Variants in COL23A1 observed in about 807,000 individuals in gnomAD.
COL23A1 encodes the protein collagen alpha-1(XXIII) chain.
A neutral mutation model predicts 99.3 loss-of-function variants in COL23A1; 97 were observed. That is an observed-to-expected ratio of 0.98 (90% CI 0.83 to 1.16). The LOEUF (loss-of-function observed/expected upper bound fraction) is 1.16, where lower values mean the gene tolerates loss of function less well. COL23A1 is among the 50% of genes most tolerant of loss of function. The probability of loss-of-function intolerance (pLI) is 0.00; values close to 1 mark genes in which losing one functional copy is unlikely to be tolerated. For missense variants in COL23A1, 762 were observed against 757.4 expected (o/e 1.01, Z -0.07); for synonymous variants, 320 against 308.2 (o/e 1.04, Z -0.40).
At chr5:178,379,515 A>G (rs979791691) in intron 2 of COL23A1, among the ~76,000 whole-genome samples, 1 of 152,158 alleles carries the variant, frequency 6.6e-6, no homozygotes, top group Non-Finnish European at 1.5e-5. Context: ...TACTTTTTGT[A>G]TTACTTTTGT....
At chr5:178,334,816 T>A (rs778398083) in intron 2 of COL23A1, among the ~76,000 whole-genome samples, 4 of 152,204 alleles carry the variant, frequency 2.6e-5, no homozygotes, top group Non-Finnish European at 5.9e-5. Flanking sequence ...GGGAATATTA[T>A]TAGTAATTTT....
intron 5 of COL23A1, 159 bp from the exon 6 acceptor site, chr5:178,270,522 G>C (rs766302618): frequency 1.2e-6 from 1 of 816,532 alleles, no homozygotes; most frequent in Admixed American, 2.1e-5. Context: ...GGAGGGGAAG[G>C]CATCTGTGTG....
intron 2 of COL23A1, among the ~76,000 whole-genome samples, chr5:178,356,813 G>A (rs1441672620): frequency 2.0e-5 from 3 of 152,068 alleles, no homozygotes; most frequent in African/African-American, 7.2e-5. Flanking sequence ...TGCAGCAGGA[G>A]GAGATGCCAG....
chr5:178,247,457 T>C (rs1015738396), intron 22 of COL23A1, 69 bp downstream of exon 22: 6 of 1,577,964 alleles, frequency 3.8e-6, no homozygotes, highest in Non-Finnish European at 5.2e-6. Context: ...GCTTTGCCCA[T>C]TGGCAAGGCT....
At chr5:178,532,327 G>C (rs796874369) in intron 2 of COL23A1, among the ~76,000 whole-genome samples, 1 of 152,212 alleles carries the variant, frequency 6.6e-6, no homozygotes, top group Non-Finnish European at 1.5e-5. Flanking sequence ...GAAAACCTGG[G>C]GATGGAAGTG....
intron 2 of COL23A1, among the ~76,000 whole-genome samples, chr5:178,511,879 C>T (rs1458412977): frequency 6.6e-6 from 1 of 151,774 alleles, no homozygotes; most frequent in Non-Finnish European, 1.5e-5. Context: ...ATACCACCTA[C>T]CAATTTGGCA....
intron 4 of COL23A1, 52 bp downstream of exon 4, chr5:178,290,310 G>T: frequency 6.2e-7 from 1 of 1,613,284 alleles, no homozygotes; most frequent in South Asian, 1.1e-5. Flanking sequence ...AACAGAGAGA[G>T]AACCAAACAT....
At chr5:178,292,489 A>G (rs527378281) in intron 3 of COL23A1, among the ~76,000 whole-genome samples, 2 of 152,214 alleles carry the variant, frequency 1.3e-5, no homozygotes, top group East Asian at 3.9e-4. Context: ...TCTCTCCCTC[A>G]CAGCAAGAAA....
chr5:178,398,827 TAAC>T (rs1764287165), intron 2 of COL23A1, among the ~76,000 whole-genome samples: 1 of 152,374 alleles, frequency 6.6e-6, no homozygotes, highest in East Asian at 1.9e-4. Flanking sequence ...CGTCTTGTGC[TAAC>T]AACATGTCTC....
At chr5:178,474,973 C>A (rs1191389688) in intron 2 of COL23A1, among the ~76,000 whole-genome samples, 2 of 152,256 alleles carry the variant, frequency 1.3e-5, no homozygotes, top group African/African-American at 4.8e-5. Flanking sequence ...GCCCCTCCTA[C>A]ATTCCTGTGG....
At chr5:178,355,573 C>T (rs1431558928) in intron 2 of COL23A1, among the ~76,000 whole-genome samples, 2 of 152,124 alleles carry the variant, frequency 1.3e-5, no homozygotes, top group Non-Finnish European at 1.5e-5. Context: ...TGCTCTGTTG[C>T]CCAGGCTGGA....
chr5:178,534,466 C>A (rs914754309), intron 2 of COL23A1, among the ~76,000 whole-genome samples: 1 of 152,156 alleles, frequency 6.6e-6, no homozygotes, highest in East Asian at 1.9e-4. Flanking sequence ...TCAGCCCCAT[C>A]GCTCACTGGC....
intron 17 of COL23A1, among the ~76,000 whole-genome samples, chr5:178,250,961 A>G (rs1374240204): frequency 6.8e-6 from 1 of 147,196 alleles, no homozygotes; most frequent in East Asian, 2.0e-4. Context: ...CCTGGGCAAA[A>G]GAGCAAGACT....
chr5:178,590,232 C>A lies in COL23A1; in HGVS notation c.-35G>T. 8.3e-7 allele frequency: 1 copy of A among 1,207,284 alleles called. No individual in the cohort carries two copies. Among genetic ancestry groups the A allele is most frequent in the East Asian group, 3.4e-5 (1 of 29,042 alleles). The allele number at this position is 1,207,284 out of a possible 1,614,324, so 74.8% of individuals were successfully genotyped here. A position where few individuals can be genotyped will look rare whatever the true frequency, so the allele number is the denominator to read the frequency against. ...GTCGCGCGTGGACTCTCCGAGGGGGCGGTGCTGCTGGGGCAGAGGCTGGGT... is the reference window on the plus strand; with the variant it reads ...GTCGCGCGTGGACTCTCCGAGGGGGAGGTGCTGCTGGGGCAGAGGCTGGGT... On this transcript the variant is annotated 5_prime_UTR_variant, in exon 1 of 29. Transcript: ENST00000390654. The surrounding 1 kb of genome is among the most constrained non-coding windows in gnomAD (Gnocchi z 5.7).
At chr5:178,242,909 C>A (rs926747489) in intron 25 of COL23A1, among the ~76,000 whole-genome samples, 1 of 152,162 alleles carries the variant, frequency 6.6e-6, no homozygotes, top group Admixed American at 6.5e-5. Flanking sequence ...GAATTGGATT[C>A]ATTGTGGCCG....
chr5:178,590,251 G>A lies in COL23A1; in HGVS notation c.-54C>T. 2 of 1,195,464 alleles carry A rather than the reference G, an allele frequency of 1.7e-6. No homozygotes were observed. The highest frequency in any genetic ancestry group is 3.5e-5 in the East Asian group (1 of 28,384). The allele number at this position is 1,195,464 out of a possible 1,614,324, so 74.1% of individuals were successfully genotyped here. A position where few individuals can be genotyped will look rare whatever the true frequency, so the allele number is the denominator to read the frequency against. ...AGGGGGCGGTGCTGCTGGGGCAGAG[G>A]CTGGGTGCGAGAGGAGCAGGCGGGA... On this transcript the variant is annotated 5_prime_UTR_variant, in exon 1 of 29. Coordinates refer to ENST00000390654, the MANE Select transcript of COL23A1 (RefSeq NM_173465.4). This position sits in a 1 kb window ranked among gnomAD's most constrained non-coding sequence, Gnocchi z 5.7.
intron 2 of COL23A1, among the ~76,000 whole-genome samples, chr5:178,473,953 C>T (rs1198548499): frequency 6.6e-6 from 1 of 152,180 alleles, no homozygotes; most frequent in East Asian, 1.9e-4. Context: ...TTTTTATTTC[C>T]CTGCAACCTA....
At chr5:178,540,174 A>G (rs1164313760) in intron 2 of COL23A1, among the ~76,000 whole-genome samples, 1 of 151,860 alleles carries the variant, frequency 6.6e-6, no homozygotes, top group East Asian at 1.9e-4. Flanking sequence ...TTAGACAATC[A>G]ATTAATCAAG....
In COL23A1 at chr5:178,256,850, A is replaced by G. The variant is rs1404477342; in HGVS notation, c.837+16T>C. The G allele has an allele frequency of 6.2e-7, 1 of 1,610,800 alleles. No individual in the cohort carries two copies. The highest frequency in any genetic ancestry group is 2.2e-5 in the East Asian group (1 of 44,722). ...GCGGGGCCCGCAGGCGCCAGAGCAG[A>G]GAGCTCTCATGTCACCTTCGGTCCT... On this transcript the variant is annotated intron_variant, in intron 14 of 28. Transcript: ENST00000390654.
Sources: gnomAD v4.1 joint callset for allele counts (sites outside exome capture counted in the v4.1 genomes callset) on GRCh38, gnomAD v4.1.1 for gene constraint, Gnocchi (gnomAD v3.1) non-coding constraint, MANE v1.5 for transcripts, NCBI Gene and HGNC (gene_info 2026-07-23, HGNC 2026-07-21) for gene names.